Variants in SUSD1 observed in about 807,000 individuals in gnomAD.
SUSD1 encodes the protein sushi domain-containing protein 1.
Under a neutral mutation model 86.9 loss-of-function variants are expected in SUSD1, and 65 were observed. That is an observed-to-expected ratio of 0.75 (90% CI 0.61 to 0.92). SUSD1 has a LOEUF of 0.92. Among genes scored for constraint, SUSD1 ranks in the 40% least tolerant of loss-of-function variants. The probability of loss-of-function intolerance (pLI) is 0.00; values close to 1 mark genes in which losing one functional copy is unlikely to be tolerated. For synonymous variants in SUSD1, 346 were observed against 350.0 expected, an observed-to-expected ratio of 0.99 and a Z score of 0.13; for missense variants, 850 against 929.7, an observed-to-expected ratio of 0.91 and a Z score of 1.11.
intron 12 of SUSD1, among the ~76,000 whole-genome samples, chr9:112,070,483 A>C (rs761495574): frequency 3.3e-5 from 5 of 152,170 alleles, no homozygotes; most frequent in Non-Finnish European, 4.4e-5. Context: ...TCTCCTTTCC[A>C]TCAACCTCGT....
At chr9:112,165,935 A>AAAG (rs779697841) in intron 1 of SUSD1, among the ~76,000 whole-genome samples, 16,433 of 117,494 alleles carry the variant, frequency 0.14, 1,391 homozygotes, top group East Asian at 0.2. Flanking sequence ...AGAAAGAAAG[A>AAAG]AAGAAAGAAG....
At chr9:112,067,294 C>T (rs1829025201) in intron 12 of SUSD1, among the ~76,000 whole-genome samples, 1 of 152,250 alleles carries the variant, frequency 6.6e-6, no homozygotes, top group African/African-American at 2.4e-5. Flanking sequence ...AGAAAGAGGG[C>T]CTCATGGCTG....
At chr9:112,061,018 C>T (rs4979079) in intron 13 of SUSD1, among the ~76,000 whole-genome samples, 14,962 of 152,186 alleles carry the variant, frequency 0.098, 841 homozygotes, top group South Asian at 0.19. Context: ...ACAAATTCCC[C>T]GACCTCATAC....
chr9:112,044,971 C>A (rs12338617), intron 15 of SUSD1, among the ~76,000 whole-genome samples: 15,702 of 152,098 alleles, frequency 0.1, 1,024 homozygotes, highest in East Asian at 0.29. Context: ...GAAAATTCTA[C>A]GAAAAGGTAA....
At chr9:112,148,990 G>A (rs1427991484) in intron 3 of SUSD1, among the ~76,000 whole-genome samples, 1 of 150,834 alleles carries the variant, frequency 6.6e-6, no homozygotes, top group Non-Finnish European at 1.5e-5. Context: ...ATCCCCCCAA[G>A]ATTCAATCGT....
At position 112,111,185 on chromosome 9, in the gene SUSD1, G is replaced by C. The variant is rs73534335; in HGVS notation, c.1171+469C>G. On this transcript the variant is annotated intron_variant, in intron 8 of 16. Transcript: ENST00000374270. ...GTTTTTCTATTTTCAGTAGAGATAA[G>C]GTTTTGCCATGTTGGCCAGGCTGGT... Among the ~76,000 whole-genome samples the C allele has an allele frequency of 6.4e-3, 976 of 152,206 alleles. 11 individuals carry two copies. Among genetic ancestry groups the C allele is most frequent in the African/African-American group, 0.023 (935 of 41,530 alleles).
At chr9:112,108,661 C>T (rs1391885105) in intron 8 of SUSD1, among the ~76,000 whole-genome samples, 1 of 149,250 alleles carries the variant, frequency 6.7e-6, no homozygotes, top group African/African-American at 2.5e-5. Flanking sequence ...GCCTGTAGTC[C>T]CAGCTACTTG....
chr9:112,115,545 G>A (rs888976066), intron 6 of SUSD1, among the ~76,000 whole-genome samples: 1 of 152,082 alleles, frequency 6.6e-6, no homozygotes, highest in Non-Finnish European at 1.5e-5. Flanking sequence ...GGTGGCTCAC[G>A]CCTGTAATCC....
chr9:112,153,845 T>C (rs1466855696), intron 2 of SUSD1, among the ~76,000 whole-genome samples: 1 of 151,930 alleles, frequency 6.6e-6, no homozygotes, highest in Non-Finnish European at 1.5e-5. Flanking sequence ...AACTCCTGGC[T>C]TCAGGTGATC....
chr9:112,078,444 T>C (rs1239876793), intron 12 of SUSD1, 94 bp downstream of exon 12: 4 of 1,274,486 alleles, frequency 3.1e-6, no homozygotes, highest in South Asian at 1.5e-5. Flanking sequence ...GTTCATTATA[T>C]AATGATAAAA....
chr9:112,106,170 A>T (rs979540420), intron 8 of SUSD1, among the ~76,000 whole-genome samples: 4 of 152,038 alleles, frequency 2.6e-5, no homozygotes, highest in African/African-American at 9.7e-5. Context: ...TTGTACTTTT[A>T]GTAGAGACAG....
At chr9:112,158,757 C>T (rs1833446621) in intron 1 of SUSD1, among the ~76,000 whole-genome samples, 6 of 152,150 alleles carry the variant, frequency 3.9e-5, no homozygotes, top group Admixed American at 3.3e-4. Flanking sequence ...CTGGCACATT[C>T]CCTATCAATC....
At position 112,155,963 on chromosome 9, in the gene SUSD1, A is replaced by C. The variant is rs77400377; in HGVS notation, c.217+1537T>G. ...AAGGAGGAAGGATGGAAGGAAGGAA[A>C]AGAAGGAAAGGAGAGAGAAAGAAAG... On this transcript the variant is annotated intron_variant, in intron 2 of 16. Transcript: ENST00000374270. 5.8e-3 allele frequency among the ~76,000 whole-genome samples: 882 copies of C among 151,344 alleles called. 5 individuals are homozygous for C. Among genetic ancestry groups the C allele is most frequent in the African/African-American group, 0.017 (702 of 41,252 alleles).
At chr9:112,118,037 G>A (rs1831401545) in intron 6 of SUSD1, among the ~76,000 whole-genome samples, 1 of 152,140 alleles carries the variant, frequency 6.6e-6, no homozygotes, top group East Asian at 1.9e-4. Context: ...GCAAGGACAG[G>A]GGCTGGTCTA....
intron 1 of SUSD1, chr9:112,173,778 A>G (rs1238622426): frequency 9.5e-6 from 3 of 317,442 alleles, no homozygotes; most frequent in East Asian, 7.8e-5. Flanking sequence ...ACGTGCACTC[A>G]TGGCCTTGGC....
intron 15 of SUSD1, chr9:112,052,040 C>G (rs1201725666): frequency 2.5e-6 from 2 of 804,134 alleles, no homozygotes; most frequent in African/African-American, 3.6e-5. Flanking sequence ...AATCGGTAAG[C>G]TGCGGGAGCT....
intron 14 of SUSD1, among the ~76,000 whole-genome samples, chr9:112,057,653 C>T (rs1203524932): frequency 6.6e-6 from 1 of 152,200 alleles, no homozygotes; most frequent in Non-Finnish European, 1.5e-5. Flanking sequence ...ATTACATTTG[C>T]ATCCCACACA....
intron 12 of SUSD1, among the ~76,000 whole-genome samples, chr9:112,077,482 C>T (rs1158625827): frequency 6.7e-6 from 1 of 149,704 alleles, no homozygotes; most frequent in Admixed American, 6.7e-5. Flanking sequence ...CAATCATTGT[C>T]CCCTGATAGT....
At chr9:112,052,049 C>T in intron 15 of SUSD1, 1 of 919,204 alleles carries the variant, frequency 1.1e-6, no homozygotes, top group African/African-American at 1.7e-5. Context: ...GCTGCGGGAG[C>T]TTGCCATCAC....
Sources: allele counts gnomAD v4.1 joint callset (sites outside exome capture counted in the v4.1 genomes callset), GRCh38; gene constraint gnomAD v4.1.1; transcripts MANE v1.5; gene names NCBI Gene and HGNC (gene_info 2026-07-23, HGNC 2026-07-21).